The following SLIT3 variants were observed in gnomAD, a reference collection of about 807,000 sequenced individuals.
SLIT3 encodes the protein slit homolog 3 protein.
SLIT3 carries 68 observed loss-of-function variants against 184.0 expected under a neutral mutation model. The observed-to-expected ratio is 0.37, with a 90% confidence interval of 0.30 to 0.45. The LOEUF (loss-of-function observed/expected upper bound fraction) is 0.45. Among genes scored for constraint, SLIT3 ranks in the 20% least tolerant of loss-of-function variants. The probability of loss-of-function intolerance (pLI) is 1.00; values close to 1 mark genes in which losing one functional copy is unlikely to be tolerated. For missense variants in SLIT3, 1,707 were observed against 2,026.0 expected (o/e 0.84, Z 3.02); for synonymous variants, 831 against 828.6 (o/e 1.00, Z -0.05).
intron 5 of SLIT3, among the ~76,000 whole-genome samples, chr5:168,847,772 T>G (rs1019888446): frequency 6.6e-6 from 1 of 152,200 alleles, no homozygotes; most frequent in Non-Finnish European, 1.5e-5. Context: ...CTTCCGAAGC[T>G]GAGGCCAAAA....
chr5:168,809,135 TG>T (rs1468462311), intron 8 of SLIT3, among the ~76,000 whole-genome samples: 1 of 152,178 alleles, frequency 6.6e-6, no homozygotes, highest in East Asian at 1.9e-4. Context: ...AGTTCTAACA[TG>T]GAATTCTTCC....
intron 4 of SLIT3, among the ~76,000 whole-genome samples, chr5:168,937,843 A>G (rs1739531525): frequency 6.6e-6 from 1 of 152,124 alleles, no homozygotes; most frequent in Non-Finnish European, 1.5e-5. Context: ...GGCAAAGAAA[A>G]GACTCTAATA....
chr5:168,814,487 C>T (rs1380133483), intron 8 of SLIT3, among the ~76,000 whole-genome samples: 1 of 152,158 alleles, frequency 6.6e-6, no homozygotes, highest in East Asian at 1.9e-4. Context: ...TTGTGGGGCT[C>T]AGGCATTGGG....
intron 4 of SLIT3, among the ~76,000 whole-genome samples, chr5:169,088,668 T>C (rs1759424259): frequency 6.6e-6 from 1 of 152,074 alleles, no homozygotes; most frequent in South Asian, 2.1e-4. Flanking sequence ...TGCACCTGGC[T>C]GGGTATCCAA....
intron 28 of SLIT3, among the ~76,000 whole-genome samples, chr5:168,695,422 T>G (rs1762029029): frequency 6.6e-6 from 1 of 152,202 alleles, no homozygotes; most frequent in African/African-American, 2.4e-5. Context: ...TTTTGGAACC[T>G]CTAATATGCT....
intron 4 of SLIT3, among the ~76,000 whole-genome samples, chr5:168,955,119 G>A (rs1338200024): frequency 1.3e-5 from 2 of 151,902 alleles, no homozygotes; most frequent in African/African-American, 4.8e-5. Flanking sequence ...TGGGGGTGAG[G>A]CCCAGCTTAC....
At chr5:169,098,019 C>G (rs543391559) in intron 4 of SLIT3, among the ~76,000 whole-genome samples, 59 of 152,186 alleles carry the variant, frequency 3.9e-4, no homozygotes, top group Non-Finnish European at 2.8e-4. Context: ...TGCTTTTTCC[C>G]CATTTGGGGA....
chr5:169,110,003 C>T (rs1760355683), intron 4 of SLIT3, among the ~76,000 whole-genome samples: 1 of 152,136 alleles, frequency 6.6e-6, no homozygotes, highest in African/African-American at 2.4e-5. Context: ...ACATAGTAAT[C>T]CCAGAATCAC....
At chr5:168,699,243 G>A (rs1230484830) in intron 27 of SLIT3, among the ~76,000 whole-genome samples, 1 of 152,250 alleles carries the variant, frequency 6.6e-6, no homozygotes, top group African/African-American at 2.4e-5. Flanking sequence ...GTGGGCGGGC[G>A]GGTTCCCGGG....
At chr5:168,821,640 G>C (rs1398094889) in intron 7 of SLIT3, among the ~76,000 whole-genome samples, 1 of 152,198 alleles carries the variant, frequency 6.6e-6, no homozygotes, top group Non-Finnish European at 1.5e-5. Context: ...AAAGAATTTG[G>C]GAAGCAAAGA....
chr5:168,908,686 CA>C (rs908791132), intron 4 of SLIT3, among the ~76,000 whole-genome samples: 4 of 152,164 alleles, frequency 2.6e-5, no homozygotes, highest in African/African-American at 9.7e-5. Context: ...CACTTGAAAG[CA>C]ACTCTGAGGA....
chr5:169,266,891 T>G (rs767712397), intron 1 of SLIT3, among the ~76,000 whole-genome samples: 10 of 152,224 alleles, frequency 6.6e-5, no homozygotes, highest in Non-Finnish European at 1.2e-4. Context: ...TAATTCTCAC[T>G]GGCTTTGGAT....
chr5:168,856,766 CGTGTGTGTGTGTGTGTGT>C (rs372608852), intron 5 of SLIT3, among the ~76,000 whole-genome samples: 3 of 132,866 alleles, frequency 2.3e-5, no homozygotes, highest in South Asian at 2.8e-4. Flanking sequence ...CTGAGTTCCT[CGTGTGTGTGTGTGTGTGT>C]GTGTGTGTGT....
chr5:168,843,423 T>C (rs1376585252), intron 6 of SLIT3, among the ~76,000 whole-genome samples: 1 of 152,178 alleles, frequency 6.6e-6, no homozygotes, highest in Non-Finnish European at 1.5e-5. Flanking sequence ...GACTGTGTAA[T>C]TTTTTATTTT....
chr5:168,870,186 C>A (rs74863661), intron 5 of SLIT3, among the ~76,000 whole-genome samples: 15 of 152,206 alleles, frequency 9.9e-5, no homozygotes, highest in Non-Finnish European at 1.6e-4. Context: ...ATTCATCTAG[C>A]AAATATTTTT....
intron 4 of SLIT3, among the ~76,000 whole-genome samples, chr5:169,187,405 C>T (rs549706857): frequency 5.3e-5 from 8 of 152,154 alleles, no homozygotes; most frequent in Admixed American, 3.3e-4. Context: ...GCCACCGCGG[C>T]CGGCAGCAGC....
rs10536624 is a variant in SLIT3 at position 169,140,308 on chromosome 5, C to CAAAAAAAA, written c.413+53163_413+53170dup. 4.8e-5 allele frequency among the ~76,000 whole-genome samples: 2 copies of CAAAAAAAA among 42,046 alleles called. 1 individual carries two copies. The highest frequency in any genetic ancestry group is 9.0e-5 in the Non-Finnish European group (2 of 22,128). The allele number at this position is 42,046 out of a possible 152,430, so 27.6% of individuals were successfully genotyped here. A position where few individuals can be genotyped will look rare whatever the true frequency, so the allele number is the denominator to read the frequency against. ...TAAAACCCCGCCTCTACTAAAAATG[C>CAAAAAAAA]AAAAAAAAAAAAAAAAAAAAAAAAA... On this transcript the variant is annotated intron_variant, in intron 4 of 35. Transcript: ENST00000519560.
chr5:169,116,188 A>C (rs1187077883), intron 4 of SLIT3, among the ~76,000 whole-genome samples: 1 of 152,156 alleles, frequency 6.6e-6, no homozygotes. Context: ...TATTGTATTT[A>C]TTATTGCAAT....
chr5:169,048,578 C>G (rs932977856), intron 4 of SLIT3, among the ~76,000 whole-genome samples: 5 of 152,198 alleles, frequency 3.3e-5, no homozygotes, highest in Non-Finnish European at 7.3e-5. Context: ...CAGTAGTTAC[C>G]TAGTTTGCCT....
Sources: gnomAD v4.1 joint callset for allele counts (sites outside exome capture counted in the v4.1 genomes callset) on GRCh38, gnomAD v4.1.1 for gene constraint, MANE v1.5 for transcripts, NCBI Gene and HGNC (gene_info 2026-07-23, HGNC 2026-07-21) for gene names.